BCAS3: variants seen among roughly 807,000 people sequenced by gnomAD.
BCAS3 encodes the protein BCAS4/BCAS3 fusion.
Under a neutral mutation model 116.1 loss-of-function variants are expected in BCAS3, and 53 were observed. The ratio of observed to expected loss-of-function variants is 0.46; its 90% CI spans 0.37 to 0.57. The LOEUF (loss-of-function observed/expected upper bound fraction) is 0.57. Among genes scored for constraint, BCAS3 ranks in the 20% least tolerant of loss-of-function variants. BCAS3 has a pLI of 0.00. For missense variants in BCAS3, 917 were observed against 1,165.4 expected (o/e 0.79, Z 3.10); for synonymous variants, 391 against 408.2 (o/e 0.96, Z 0.51).
intron 22 of BCAS3, among the ~76,000 whole-genome samples, chr17:61,172,713 C>T (rs533831881): frequency 8.6e-5 from 13 of 151,070 alleles, no homozygotes; most frequent in Non-Finnish European, 1.2e-4. Flanking sequence ...TGGCTGGGCG[C>T]GGTGGCTCAT....
chr17:61,005,791 CT>C lies in BCAS3; in HGVS notation c.1487-9950del, dbSNP rs768324168. ...TTTTAGGAAAAAATTTCTTTTTTTT[CT>C]TTTTTTTTTCTTTTATTATTATACT... On this transcript the variant is annotated intron_variant, in intron 15 of 23. Coordinates refer to ENST00000407086, the MANE Select transcript of BCAS3 (RefSeq NM_017679.5). Among the ~76,000 whole-genome samples the C allele has an allele frequency of 1.8e-3, 233 of 126,500 alleles. 1 individual carries two copies. Among genetic ancestry groups the C allele is most frequent in the African/African-American group, 5.4e-3 (183 of 33,600 alleles). The allele number at this position is 126,500 out of a possible 152,430, so 83.0% of individuals were successfully genotyped here.
chr17:61,328,817 G>A (rs1184027714), intron 22 of BCAS3, among the ~76,000 whole-genome samples: 1 of 151,700 alleles, frequency 6.6e-6, no homozygotes, highest in Non-Finnish European at 1.5e-5. Flanking sequence ...GTGTGCTGAG[G>A]ACCCACTCCC....
chr17:60,939,710 A>G (rs2060124514), intron 13 of BCAS3, among the ~76,000 whole-genome samples: 1 of 152,160 alleles, frequency 6.6e-6, no homozygotes, highest in African/African-American at 2.4e-5. Context: ...ACTTTTTTTG[A>G]ATGCTCTTTC....
intron 10 of BCAS3, among the ~76,000 whole-genome samples, chr17:60,890,265 C>A (rs1320635721): frequency 1.3e-5 from 2 of 151,942 alleles, no homozygotes; most frequent in Non-Finnish European, 2.9e-5. Context: ...ACCAGCCTGG[C>A]CAACATGGTG....
intron 22 of BCAS3, among the ~76,000 whole-genome samples, chr17:61,329,587 G>C (rs1040150749): frequency 2.0e-5 from 3 of 150,226 alleles, no homozygotes; most frequent in South Asian, 2.1e-4. Flanking sequence ...GTGATCCACC[G>C]GCCTCGGCCT....
At chr17:61,010,572 A>G (rs993128623) in intron 15 of BCAS3, among the ~76,000 whole-genome samples, 1 of 151,984 alleles carries the variant, frequency 6.6e-6, no homozygotes, top group African/African-American at 2.4e-5. Flanking sequence ...TTCTGGTGTA[A>G]TGGCTTTGTA....
intron 22 of BCAS3, among the ~76,000 whole-genome samples, chr17:61,206,354 T>G (rs2081122239): frequency 6.6e-6 from 1 of 152,236 alleles, no homozygotes; most frequent in Admixed American, 6.5e-5. Flanking sequence ...GATGCTTGTT[T>G]AGTGCGGAGG....
chr17:60,864,540 T>A (rs533003554), intron 7 of BCAS3, among the ~76,000 whole-genome samples: 1 of 152,356 alleles, frequency 6.6e-6, no homozygotes, highest in Admixed American at 6.5e-5. Flanking sequence ...GGCTTTGGCT[T>A]AAGGGAATGT....
In BCAS3 at chr17:61,219,232, AATCTCTGAGAAAG is replaced by A. The variant is rs1461678346; in HGVS notation, c.2425+134672_2425+134684del. Among the ~76,000 whole-genome samples the A allele has an allele frequency of 1.3e-5, 2 of 152,156 alleles. No individual in the cohort carries two copies. Among genetic ancestry groups the A allele is most frequent in the Non-Finnish European group, 2.9e-5 (2 of 68,022 alleles). ...AAAGTAGGTTGTCCTCTAAACATAC[AATCTCTGAGAAAG>A]ATCCTTGTCCAGAAATCCTGTGTCT... On this transcript the variant is annotated intron_variant, in intron 22 of 23. Coordinates refer to ENST00000407086, the MANE Select transcript of BCAS3 (RefSeq NM_017679.5). This position sits in a 1 kb window ranked among gnomAD's most constrained non-coding sequence, Gnocchi z 5.2.
intron 12 of BCAS3, among the ~76,000 whole-genome samples, chr17:60,912,608 T>G (rs2058573860): frequency 2.0e-5 from 3 of 152,296 alleles, no homozygotes; most frequent in Admixed American, 6.5e-5. Flanking sequence ...GATTCGTATT[T>G]TTTTAATGAA....
Position 60,863,447 on chromosome 17 carries a change from C to A in BCAS3, c.477-5129C>A, listed in dbSNP as rs1269205293. Among the ~76,000 whole-genome samples the A allele has an allele frequency of 2.0e-5, 3 of 151,868 alleles. No individual in the cohort carries two copies. The East Asian group carries it at 5.8e-4, about 29-fold the overall frequency. On this transcript the variant is annotated intron_variant, in intron 7 of 23. Coordinates refer to ENST00000407086, the MANE Select transcript of BCAS3 (RefSeq NM_017679.5). ...CCGTTAATTTTTTGGTTTCCCAGTGCATATAAAAGTTATGTTTGGCTAGGC... is the reference window on the plus strand; with the variant it reads ...CCGTTAATTTTTTGGTTTCCCAGTGAATATAAAAGTTATGTTTGGCTAGGC...
Position 61,391,864 on chromosome 17 carries a change from A to G in BCAS3, c.2594-113A>G. Reference sequence around the variant, plus strand: ...GAGCAGGCGGGGATCCCCCTGCGGAAGGACACAAGTGAACCCAGAATGGTG... The same window carrying G: ...GAGCAGGCGGGGATCCCCCTGCGGAGGGACACAAGTGAACCCAGAATGGTG... On this transcript the variant is annotated intron_variant, in intron 23 of 23. Coordinates refer to ENST00000407086, the MANE Select transcript of BCAS3 (RefSeq NM_017679.5). This position sits in a 1 kb window ranked among gnomAD's most constrained non-coding sequence, Gnocchi z 7.7. 1 of 1,163,308 alleles carries G rather than the reference A, an allele frequency of 8.6e-7. No individual in the cohort carries two copies. The highest frequency in any genetic ancestry group is 1.2e-6 in the Non-Finnish European group (1 of 821,874). The allele number at this position is 1,163,308 out of a possible 1,614,324, so 72.1% of individuals were successfully genotyped here.
At chr17:60,816,852 T>G (rs1361877698) in intron 7 of BCAS3, among the ~76,000 whole-genome samples, 3 of 152,040 alleles carry the variant, frequency 2.0e-5, no homozygotes, top group Non-Finnish European at 4.4e-5. Flanking sequence ...AATGGTGGAG[T>G]TATGCCGGTT....
chr17:60,762,353 A>T (rs566449922), intron 6 of BCAS3, among the ~76,000 whole-genome samples: 1 of 152,104 alleles, frequency 6.6e-6, no homozygotes. Flanking sequence ...TAAGTCTGTA[A>T]TCCATCTTGA....
At chr17:61,183,736 C>A (rs1392396257) in intron 22 of BCAS3, among the ~76,000 whole-genome samples, 1 of 152,164 alleles carries the variant, frequency 6.6e-6, no homozygotes, top group Non-Finnish European at 1.5e-5. Flanking sequence ...CCTATAGTGC[C>A]TGATTGAAAC....
intron 15 of BCAS3, among the ~76,000 whole-genome samples, chr17:60,996,998 A>G (rs911420036): frequency 3.3e-5 from 5 of 152,114 alleles, no homozygotes; most frequent in Non-Finnish European, 7.4e-5. Flanking sequence ...TGTGGAAGAC[A>G]GTTTTTCCAT....
rs1749667214 is a variant in BCAS3 at position 61,097,397 on chromosome 17, C to T, written c.2425+12833C>T. On this transcript the variant is annotated intron_variant, in intron 22 of 23. Coordinates refer to ENST00000407086, the MANE Select transcript of BCAS3 (RefSeq NM_017679.5). This position sits in a 1 kb window ranked among gnomAD's most constrained non-coding sequence, Gnocchi z 4.0. ...ATTTCACCATGTTAGCCAGGATGGT[C>T]TCGATCTCCTGACCTTGTGATCCGC... Among the ~76,000 whole-genome samples, 1 of 152,158 alleles carries T rather than the reference C, an allele frequency of 6.6e-6. No homozygotes were observed. The highest frequency in any genetic ancestry group is 2.1e-4 in the South Asian group (1 of 4,822).
chr17:61,180,287 G>A lies in BCAS3; in HGVS notation c.2425+95723G>A, dbSNP rs538306027. 1.3e-5 allele frequency among the ~76,000 whole-genome samples: 2 copies of A among 152,232 alleles called. No individual in the cohort carries two copies. Among genetic ancestry groups the A allele is most frequent in the East Asian group, 1.9e-4 (1 of 5,178 alleles). ...CTAATGAGAAGTCTCAGATAATGAT[G>A]TATTATTTCACTTAAAAAAATCTTG... is the stretch of plus-strand genomic sequence containing the variant. On this transcript the variant is annotated intron_variant, in intron 22 of 23. Transcript: ENST00000407086. This position sits in a 1 kb window ranked among gnomAD's most constrained non-coding sequence, Gnocchi z 6.0.
chr17:60,907,077 A>G (rs1359715377), intron 11 of BCAS3, among the ~76,000 whole-genome samples: 1 of 152,134 alleles, frequency 6.6e-6, no homozygotes, highest in Non-Finnish European at 1.5e-5. Context: ...TTCATTGCAT[A>G]TGTACTTGGA....
Sources: allele counts gnomAD v4.1 joint callset (sites outside exome capture counted in the v4.1 genomes callset), GRCh38; gene constraint gnomAD v4.1.1; non-coding constraint Gnocchi (gnomAD v3.1); transcripts MANE v1.5; gene names NCBI Gene and HGNC (gene_info 2026-07-23, HGNC 2026-07-21).